ZFHX3: variants seen among roughly 807,000 people sequenced by gnomAD.
ZFHX3 encodes zinc finger homeobox 3, also known as zinc finger homeobox protein 3.
ZFHX3 carries 42 observed loss-of-function variants against 279.1 expected under a neutral mutation model. The ratio of observed to expected loss-of-function variants is 0.15; its 90% CI spans 0.12 to 0.19. The LOEUF is 0.19. Among genes scored for constraint, ZFHX3 ranks in the 10% least tolerant of loss-of-function variants. The pLI, the probability that ZFHX3 is intolerant of heterozygous loss-of-function variation, is 1.00. For synonymous variants in ZFHX3, 2,293 were observed against 1,957.8 expected (o/e 1.17, Z -4.52); for missense variants, 4,981 against 4,754.0 (o/e 1.05, Z -1.40).
chr16:72,879,994 C>G (rs571135001), intron 4 of ZFHX3, among the ~76,000 whole-genome samples: 1 of 152,206 alleles, frequency 6.6e-6, no homozygotes, highest in African/African-American at 2.4e-5. Context: ...CCTGTCCTAA[C>G]AAGTGTCTTT....
In ZFHX3 at chr16:73,185,660, G is replaced by T. The variant is rs1967892844; in HGVS notation, c.-1103-41829C>A. On this transcript the variant is annotated intron_variant, in intron 5 of 17. Transcript: ENST00000641206. The stretch of plus-strand genomic sequence containing the variant: ...GTTAAATTTGAAGAATTGCTCTAAT[G>T]AATTTTTGTAATGTATTAAAAATAG... Among the ~76,000 whole-genome samples the T allele has an allele frequency of 3.3e-5, 5 of 152,284 alleles. No individual in the cohort carries two copies. In the South Asian group the frequency reaches 8.3e-4, roughly 25 times the overall value.
chr16:73,864,064 C>A (rs1473651415), intron 1 of ZFHX3, among the ~76,000 whole-genome samples: 1 of 152,164 alleles, frequency 6.6e-6, no homozygotes, highest in Non-Finnish European at 1.5e-5. Flanking sequence ...CTTATCTAAG[C>A]TTGCCAAAAA....
chr16:73,124,131 A>G (rs1966532181), intron 7 of ZFHX3, among the ~76,000 whole-genome samples: 1 of 152,156 alleles, frequency 6.6e-6, no homozygotes, highest in Admixed American at 6.5e-5. Context: ...TAGGAGAGCT[A>G]TTATAATAGT....
intron 3 of ZFHX3, among the ~76,000 whole-genome samples, chr16:73,422,042 C>T (rs534050121): frequency 1.8e-4 from 28 of 152,282 alleles, no homozygotes; most frequent in African/African-American, 6.0e-4. Flanking sequence ...TCCTCTACCA[C>T]GCTTCCGGGG....
At chr16:73,775,197 G>A (rs1462817128) in intron 1 of ZFHX3, among the ~76,000 whole-genome samples, 1 of 152,208 alleles carries the variant, frequency 6.6e-6, no homozygotes, top group Admixed American at 6.5e-5. Flanking sequence ...CTCAAGGTAA[G>A]CACCTTCAAC....
intron 3 of ZFHX3, among the ~76,000 whole-genome samples, chr16:73,325,950 CAG>C (rs2015679940): frequency 6.7e-6 from 1 of 148,768 alleles, no homozygotes; most frequent in Admixed American, 6.7e-5. Flanking sequence ...CACACACACA[CAG>C]GGGAGAGTAT....
At chr16:73,737,681 G>A (rs1355097484) in intron 1 of ZFHX3, among the ~76,000 whole-genome samples, 23 of 150,328 alleles carry the variant, frequency 1.5e-4, no homozygotes, top group African/African-American at 5.4e-4. Context: ...TCGGGAAAAA[G>A]GAAAAAAAAA....
intron 5 of ZFHX3, among the ~76,000 whole-genome samples, chr16:73,254,856 G>C (rs1182698097): frequency 6.6e-6 from 1 of 152,088 alleles, no homozygotes; most frequent in Admixed American, 6.6e-5. Context: ...GAATATGAGA[G>C]ATGTCTACTG....
At chr16:72,964,585 G>A (rs972307297) in intron 1 of ZFHX3, among the ~76,000 whole-genome samples, 1 of 151,252 alleles carries the variant, frequency 6.6e-6, no homozygotes, top group Non-Finnish European at 1.5e-5. Flanking sequence ...AGGATTGCTA[G>A]AGCCCAGGAG....
chr16:73,602,937 C>CA (rs796488687), intron 2 of ZFHX3, among the ~76,000 whole-genome samples: 37,445 of 143,654 alleles, frequency 0.26, 6,237 homozygotes, highest in African/African-American at 0.48. Flanking sequence ...GACTCTGACT[C>CA]AAAAAAAAAA....
chr16:73,884,740 G>A (rs2030291650), intron 1 of ZFHX3, among the ~76,000 whole-genome samples: 1 of 152,096 alleles, frequency 6.6e-6, no homozygotes, highest in African/African-American at 2.4e-5. Flanking sequence ...CAAAGAATAA[G>A]AATCTTTCTG....
chr16:73,589,259 C>CAAAAAAA (rs34481194), intron 2 of ZFHX3, among the ~76,000 whole-genome samples: 1 of 30,934 alleles, frequency 3.2e-5, no homozygotes, highest in Non-Finnish European at 5.3e-5. Flanking sequence ...GATTCTGTCT[C>CAAAAAAA]AAAAAAAAAA....
Position 72,957,540 on chromosome 16 carries a change from T to C in ZFHX3, c.2606A>G (p.Asn869Ser). Reference sequence around the variant, plus strand: ...CATCTTCAGGTTGGGCAGGTTCATGTTCTGGGCCAGGTAGTATTGGTAGAG... The same window carrying C: ...CATCTTCAGGTTGGGCAGGTTCATGCTCTGGGCCAGGTAGTATTGGTAGAG... ...AELYQYYLAQ[N>S]MNLPNLKMDS... The change falls in exon 2 of 10, where the codon AAC becomes AGC. Residue 869 changes from asparagine (N) to serine (S), a missense_variant. Asn to Ser is a conservative substitution (Grantham distance 46). This residue lies in a region of ZFHX3 where 1,751 missense variants were observed against 1,770.0 expected (regional missense o/e 0.99). Transcript: ENST00000268489. 6.2e-7 allele frequency: 1 copy of C among 1,614,184 alleles called. No homozygotes were observed.
intron 3 of ZFHX3, among the ~76,000 whole-genome samples, chr16:72,922,361 CAAACAA>C (rs2039606617): frequency 6.6e-6 from 1 of 152,190 alleles, no homozygotes. Flanking sequence ...CTGTCCCAGA[CAAACAA>C]CCTTCCCTTT....
intron 2 of ZFHX3, among the ~76,000 whole-genome samples, chr16:73,479,064 A>C (rs868170072): frequency 1.2e-4 from 18 of 152,230 alleles, no homozygotes; most frequent in Middle Eastern, 3.4e-3. Flanking sequence ...AAACAAAACA[A>C]AACAAAACCA....
At chr16:73,806,591 C>T (rs1369162053) in intron 1 of ZFHX3, among the ~76,000 whole-genome samples, 1 of 152,018 alleles carries the variant, frequency 6.6e-6, no homozygotes, top group Non-Finnish European at 1.5e-5. Context: ...GCCAATAACA[C>T]TGGTTGGTGG....
chr16:73,800,585 G>A (rs1012726079), intron 1 of ZFHX3, among the ~76,000 whole-genome samples: 2 of 151,826 alleles, frequency 1.3e-5, no homozygotes, highest in Non-Finnish European at 2.9e-5. Flanking sequence ...CTTTCCCCCT[G>A]TTCTGAAGCT....
chr16:73,309,201 G>T (rs913850122), intron 4 of ZFHX3, among the ~76,000 whole-genome samples: 1 of 152,112 alleles, frequency 6.6e-6, no homozygotes, highest in African/African-American at 2.4e-5. Flanking sequence ...GTACCCCATA[G>T]TTGTTTTTTT....
chr16:73,632,357 G>A (rs1156722577), intron 2 of ZFHX3, among the ~76,000 whole-genome samples: 2 of 152,112 alleles, frequency 1.3e-5, no homozygotes, highest in East Asian at 1.9e-4. Flanking sequence ...ATAGGTGCCT[G>A]GCCTTACAAA....
Sources: allele counts gnomAD v4.1 joint callset (sites outside exome capture counted in the v4.1 genomes callset), GRCh38; gene constraint gnomAD v4.1.1; regional missense constraint gnomAD v4.1.1; transcripts MANE v1.5; gene names NCBI Gene and HGNC (gene_info 2026-07-23, HGNC 2026-07-21).